Variants in HYCC1 observed in about 807,000 individuals in gnomAD.
HYCC1 encodes hyccin.
the HYCC1 span, among the ~76,000 whole-genome samples, chr7:22,901,883 A>G: frequency 6.6e-6 from 1 of 152,160 alleles, no homozygotes; most frequent in Admixed American, 6.5e-5. Context: ...ACTAGACAAA[A>G]TTCAGGACAT....
chr7:22,965,041 G>A, the HYCC1 span, among the ~76,000 whole-genome samples: 2 of 151,350 alleles, frequency 1.3e-5, no homozygotes, highest in Non-Finnish European at 2.9e-5. Flanking sequence ...GGCTGAGGCA[G>A]CACAATCACT....
At chr7:22,956,125 A>G in the HYCC1 span, among the ~76,000 whole-genome samples, 1 of 151,646 alleles carries the variant, frequency 6.6e-6, no homozygotes, top group African/African-American at 2.4e-5. Context: ...TTTTATTATT[A>G]TCTTTCTCCC....
chr7:22,963,811 C>CT, the HYCC1 span, among the ~76,000 whole-genome samples: 1 of 152,132 alleles, frequency 6.6e-6, no homozygotes, highest in Non-Finnish European at 1.5e-5. Context: ...TTTATAAATT[C>CT]TGTCTTCAAA....
the HYCC1 span, chr7:22,964,660 C>CT: frequency 1.5e-6 from 1 of 649,140 alleles, no homozygotes; most frequent in Non-Finnish European, 2.8e-6. Flanking sequence ...AACAAAGAAT[C>CT]TTTCCAAACA....
the HYCC1 span, among the ~76,000 whole-genome samples, chr7:22,920,145 T>C: frequency 6.6e-6 from 1 of 151,934 alleles, no homozygotes; most frequent in Non-Finnish European, 1.5e-5. Context: ...CTTGACAACA[T>C]AGGGTGGTGT....
At chr7:22,903,601 G>T in the HYCC1 span, among the ~76,000 whole-genome samples, 1 of 152,130 alleles carries the variant, frequency 6.6e-6, no homozygotes, top group East Asian at 1.9e-4. Flanking sequence ...TAAATTCTAG[G>T]ACACTTAGTT....
At chr7:22,921,529 A>G in the HYCC1 span, among the ~76,000 whole-genome samples, 12 of 152,328 alleles carry the variant, frequency 7.9e-5, no homozygotes, top group Admixed American at 2.6e-4. Flanking sequence ...ATGTATAACA[A>G]CAATAGCACA....
At chr7:22,955,667 T>C in the HYCC1 span, among the ~76,000 whole-genome samples, 2 of 151,644 alleles carry the variant, frequency 1.3e-5, no homozygotes, top group Admixed American at 1.3e-4. Context: ...GTAGTAGTAG[T>C]TGTCGTGAAC....
chr7:22,962,504 G>A, the HYCC1 span, among the ~76,000 whole-genome samples: 5 of 151,152 alleles, frequency 3.3e-5, no homozygotes, highest in South Asian at 2.1e-4. Flanking sequence ...AAATTTTAAA[G>A]CCTTTGGGGA....
chr7:22,918,617 A>G, the HYCC1 span, among the ~76,000 whole-genome samples: 1 of 152,196 alleles, frequency 6.6e-6, no homozygotes, highest in Admixed American at 6.5e-5. Context: ...ATGAAGAATC[A>G]CTAAAGAAGT....
At chr7:22,921,596 C>T in the HYCC1 span, among the ~76,000 whole-genome samples, 1 of 152,092 alleles carries the variant, frequency 6.6e-6, no homozygotes, top group African/African-American at 2.4e-5. Flanking sequence ...AATTAAGTTA[C>T]TGTTGTCCCT....
At chr7:22,977,669 A>T in the HYCC1 span, among the ~76,000 whole-genome samples, 4 of 152,216 alleles carry the variant, frequency 2.6e-5, no homozygotes, top group Admixed American at 2.6e-4. Flanking sequence ...CAGTGTCTTA[A>T]TAATCCTTGA....
the HYCC1 span, chr7:22,945,758 G>C: frequency 6.2e-7 from 1 of 1,613,748 alleles, no homozygotes; most frequent in Admixed American, 1.7e-5. Context: ...AGCAGATGAC[G>C]GGTTATGTGG....
the HYCC1 span, chr7:22,984,165 G>A: frequency 3.0e-6 from 2 of 658,580 alleles, no homozygotes; most frequent in South Asian, 1.7e-5. Context: ...AAGATTAGGA[G>A]TGACTAACAG....
chr7:22,918,958 T>C, the HYCC1 span, among the ~76,000 whole-genome samples: 9 of 152,168 alleles, frequency 5.9e-5, no homozygotes, highest in South Asian at 8.3e-4. Flanking sequence ...TAAAATAGTA[T>C]AGCCAAGTCA....
chr7:22,995,919 A>G, the HYCC1 span, among the ~76,000 whole-genome samples: 1 of 152,220 alleles, frequency 6.6e-6, no homozygotes, highest in Non-Finnish European at 1.5e-5. Context: ...ATCAAGTACC[A>G]TTCAAAATGA....
the HYCC1 span, chr7:22,960,218 C>G: frequency 1.1e-5 from 18 of 1,592,468 alleles, no homozygotes; most frequent in Non-Finnish European, 1.6e-5. Context: ...GTAAAAGAAT[C>G]AACAATGGTT....
the HYCC1 span, among the ~76,000 whole-genome samples, chr7:22,994,717 A>G: frequency 6.6e-6 from 1 of 152,062 alleles, no homozygotes; most frequent in Non-Finnish European, 1.5e-5. Context: ...GCAGAACTCA[A>G]AAGGGAGTCT....
chr7:23,002,165 T>TATACAA, the HYCC1 span, among the ~76,000 whole-genome samples: 2 of 36,770 alleles, frequency 5.4e-5, no homozygotes, highest in African/African-American at 2.3e-4. Flanking sequence ...TATATATATA[T>TATACAA]ATATATATAT....
Sources: allele counts gnomAD v4.1 joint callset (sites outside exome capture counted in the v4.1 genomes callset), GRCh38; gene constraint gnomAD v4.1.1; transcripts MANE v1.5; gene names NCBI Gene and HGNC (gene_info 2026-07-23, HGNC 2026-07-21).